Variants in TBC1D22B observed in about 807,000 individuals in gnomAD.
TBC1D22B encodes chromosome 6 open reading frame 197.
In TBC1D22B, 32 loss-of-function variants were observed where a neutral mutation model predicts 69.1. The ratio of observed to expected loss-of-function variants is 0.46; its 90% CI spans 0.35 to 0.62. The LOEUF is 0.62. Among genes scored for constraint, TBC1D22B ranks in the 20% least tolerant of loss-of-function variants. The probability of loss-of-function intolerance (pLI) is 0.00; values close to 1 mark genes in which losing one functional copy is unlikely to be tolerated. For synonymous variants in TBC1D22B, 206 were observed against 229.8 expected, an observed-to-expected ratio of 0.90 and a Z score of 0.94; for missense variants, 462 against 630.9, an observed-to-expected ratio of 0.73 and a Z score of 2.87.
chr6:37,263,924 A>G (rs978194887), intron 1 of TBC1D22B, among the ~76,000 whole-genome samples: 3 of 152,156 alleles, frequency 2.0e-5, no homozygotes, highest in Non-Finnish European at 2.9e-5. Context: ...AAATGTTAAC[A>G]TTTGTAAATC....
At chr6:37,266,330 A>G (rs1284334859) in intron 1 of TBC1D22B, among the ~76,000 whole-genome samples, 2 of 152,234 alleles carry the variant, frequency 1.3e-5, no homozygotes, top group Admixed American at 1.3e-4. Context: ...TCAGATACAT[A>G]GACCTAATCA....
At chr6:37,267,490 A>AATAT (rs78675421) in intron 1 of TBC1D22B, among the ~76,000 whole-genome samples, 610 of 9,604 alleles carry the variant, frequency 0.064, 11 homozygotes, top group African/African-American at 0.08. Context: ...CACTATATAT[A>AATAT]ATATATATAC....
rs771435085 is a variant in TBC1D22B at position 37,318,642 on chromosome 6, A to G, written c.1389+1436A>G. Among the ~76,000 whole-genome samples the G allele has an allele frequency of 6.6e-5, 10 of 152,306 alleles. No individual in the cohort carries two copies. In the South Asian group the frequency reaches 1.2e-3, roughly 19 times the overall value. On this transcript the variant is annotated intron_variant, in intron 12 of 12. Coordinates refer to ENST00000373491, the MANE Select transcript of TBC1D22B (RefSeq NM_017772.4). ...TCTTATATGACTACATGAAGAGGTC[A>G]GGGAGCAGAGGTGGCTGAGAGGGGA...
intron 8 of TBC1D22B, among the ~76,000 whole-genome samples, chr6:37,312,242 A>T (rs1767935374): frequency 6.6e-6 from 1 of 152,192 alleles, no homozygotes. Flanking sequence ...GGGATATCTA[A>T]TGCAACATTT....
intron 7 of TBC1D22B, among the ~76,000 whole-genome samples, chr6:37,290,938 A>T (rs1394354350): frequency 6.6e-6 from 1 of 152,216 alleles, no homozygotes; most frequent in Admixed American, 6.5e-5. Context: ...CTGAATTAAC[A>T]GCATTCATCC....
chr6:37,268,374 G>A (rs1766372221), intron 1 of TBC1D22B, among the ~76,000 whole-genome samples: 2 of 152,024 alleles, frequency 1.3e-5, no homozygotes, highest in African/African-American at 2.4e-5. Context: ...GGCTACAGAC[G>A]TGCAGCACCA....
chr6:37,313,688 G>C, intron 9 of TBC1D22B, 128 bp from the exon 10 acceptor site: 1 of 867,846 alleles, frequency 1.2e-6, no homozygotes, highest in East Asian at 2.5e-5. Context: ...TTGTTTCCCA[G>C]AACACTGTCA....
chr6:37,289,188 C>T (rs1244585852), intron 7 of TBC1D22B, among the ~76,000 whole-genome samples: 2 of 152,218 alleles, frequency 1.3e-5, no homozygotes, highest in East Asian at 1.9e-4. Flanking sequence ...CGTGAGCCAC[C>T]ATCCAGGCTG....
chr6:37,323,254 G>A (rs897463214), intron 12 of TBC1D22B, among the ~76,000 whole-genome samples: 1 of 152,154 alleles, frequency 6.6e-6, no homozygotes, highest in African/African-American at 2.4e-5. Flanking sequence ...GATGCCAGTC[G>A]CAGTGGCTCA....
chr6:37,265,052 T>A (rs1409578733), intron 1 of TBC1D22B, among the ~76,000 whole-genome samples: 1 of 152,250 alleles, frequency 6.6e-6, no homozygotes, highest in African/African-American at 2.4e-5. Context: ...CTGTCTTTTT[T>A]AAGCTGCAAT....
At chr6:37,307,899 A>C (rs774380440) in intron 8 of TBC1D22B, among the ~76,000 whole-genome samples, 2 of 152,102 alleles carry the variant, frequency 1.3e-5, no homozygotes, top group Non-Finnish European at 1.5e-5. Context: ...TAGACAAGTT[A>C]CTCTTGTTGG....
intron 8 of TBC1D22B, among the ~76,000 whole-genome samples, chr6:37,304,431 C>T (rs1453582225): frequency 6.6e-6 from 1 of 152,182 alleles, no homozygotes; most frequent in Non-Finnish European, 1.5e-5. Flanking sequence ...TACCACAGAG[C>T]AGTACTCAGC....
intron 12 of TBC1D22B, among the ~76,000 whole-genome samples, chr6:37,319,166 T>C (rs541584889): frequency 2.0e-5 from 3 of 152,348 alleles, no homozygotes; most frequent in African/African-American, 7.2e-5. Context: ...ATGCATTGAC[T>C]TCTGTGAGTA....
chr6:37,270,506 A>G (rs1766450787), intron 2 of TBC1D22B, among the ~76,000 whole-genome samples: 1 of 152,188 alleles, frequency 6.6e-6, no homozygotes, highest in Admixed American at 6.5e-5. Flanking sequence ...CTATTTCTCT[A>G]GTAGAACTCT....
At chr6:37,271,140 C>G (rs919791717) in intron 2 of TBC1D22B, among the ~76,000 whole-genome samples, 5 of 152,100 alleles carry the variant, frequency 3.3e-5, no homozygotes, top group African/African-American at 1.2e-4. Flanking sequence ...TGGTGAAACC[C>G]CATCTCTACT....
chr6:37,279,502 C>T lies in TBC1D22B; in HGVS notation c.312C>T (p.His104=), dbSNP rs770464374. The T allele has an allele frequency of 1.9e-6, 3 of 1,614,160 alleles. No individual in the cohort carries two copies. Among genetic ancestry groups the T allele is most frequent in the Admixed American group, 1.7e-5 (1 of 60,008 alleles). Reference sequence around the variant, plus strand: ...CTGCAGCCCAAGTTCTAGAAAACCACAGCAAGCTGAGAGTAAAACCAGAAC... The same window carrying T: ...CTGCAGCCCAAGTTCTAGAAAACCATAGCAAGCTGAGAGTAAAACCAGAAC... ...LATAAQVLEN[H]SKLRVKPERS... is the part of the protein sequence containing the mutation. The change falls in exon 3 of 13, where the codon CAC becomes CAT. Residue 104 remains histidine, a synonymous_variant. Transcript: ENST00000373491.
At chr6:37,266,930 C>CTTTTTTTTTTTTTTTTTTTTTTTTTT (rs35702920) in intron 1 of TBC1D22B, among the ~76,000 whole-genome samples, 1 of 54,858 alleles carries the variant, frequency 1.8e-5, no homozygotes, top group Non-Finnish European at 3.2e-5. Context: ...TTTTCTTCGT[C>CTTTTTTTTTTTTTTTTTTTTTTTTTT]TTTTTTTTTT....
chr6:37,316,633 A>G (rs1026079548), intron 10 of TBC1D22B, 70 bp from the exon 11 acceptor site: 7 of 1,595,588 alleles, frequency 4.4e-6, no homozygotes, highest in Admixed American at 1.7e-5. Context: ...GGGAGCTGCT[A>G]TTTTGGCTCC....
Position 37,316,815 on chromosome 6 carries a change from G to A in TBC1D22B, c.1278G>A (p.Leu426=). 1 of 1,614,206 alleles carries A rather than the reference G, an allele frequency of 6.2e-7. No individual in the cohort carries two copies. The highest frequency in any genetic ancestry group is 8.5e-7 in the Non-Finnish European group (1 of 1,180,040). ...RELPLRCTIR[L]WDTYQSEPEG... The stretch of plus-strand genomic sequence containing the variant: ...TTCCTCTTCGCTGCACCATCCGCCT[G>A]TGGGACACATATCAGGTAGGAGGGA... Residue 426 remains leucine, a synonymous_variant, in exon 11 of 13, where the codon CTG becomes CTA. Transcript: ENST00000373491.
Sources: allele counts gnomAD v4.1 joint callset (sites outside exome capture counted in the v4.1 genomes callset), GRCh38; gene constraint gnomAD v4.1.1; transcripts MANE v1.5; gene names NCBI Gene and HGNC (gene_info 2026-07-23, HGNC 2026-07-21).